Variants in PTPRQ observed in about 807,000 individuals in gnomAD.
PTPRQ encodes the protein phosphatidylinositol phosphatase PTPRQ.
PTPRQ carries 199 observed loss-of-function variants against 246.0 expected under a neutral mutation model. The observed-to-expected ratio is 0.81, with a 90% confidence interval of 0.72 to 0.91. The LOEUF is 0.91. Among genes scored for constraint, PTPRQ ranks in the 40% least tolerant of loss-of-function variants. The probability of loss-of-function intolerance (pLI) is 0.00; values close to 1 mark genes in which losing one functional copy is unlikely to be tolerated. For missense variants in PTPRQ, 2,624 were observed against 2,528.4 expected (o/e 1.04, Z -0.81); for synonymous variants, 869 against 853.2 (o/e 1.02, Z -0.32).
At chr12:80,448,464 G>A (rs1043236902) in intron 3 of PTPRQ, among the ~76,000 whole-genome samples, 3 of 152,016 alleles carry the variant, frequency 2.0e-5, no homozygotes, top group Non-Finnish European at 2.9e-5. Context: ...ATGCTGGTGT[G>A]CTGCACCCAC....
intron 25 of PTPRQ, among the ~76,000 whole-genome samples, chr12:80,579,896 A>G (rs935705764): frequency 6.6e-6 from 1 of 152,196 alleles, no homozygotes; most frequent in Non-Finnish European, 1.5e-5. Flanking sequence ...TATAAATATA[A>G]TTCACAAATA....
chr12:80,632,111 A>G (rs758093882), intron 33 of PTPRQ, 81 bp from the exon 34 acceptor site: 6 of 1,482,208 alleles, frequency 4.0e-6, no homozygotes, highest in Non-Finnish European at 5.4e-6. Context: ...TCTTATGCCA[A>G]GATAATATTT....
chr12:80,634,118 A>ATTTGAATC (rs1312733703), intron 34 of PTPRQ, among the ~76,000 whole-genome samples: 1 of 152,098 alleles, frequency 6.6e-6, no homozygotes, highest in East Asian at 1.9e-4. Flanking sequence ...ATGTGTTGTA[A>ATTTGAATC]TTTGAATCTT....
At chr12:80,586,528 C>T (rs557680484) in intron 25 of PTPRQ, 75 of 152,026 alleles carry the variant, frequency 4.9e-4, no homozygotes, top group African/African-American at 1.7e-3. Flanking sequence ...CCATTTGACC[C>T]AGCCATCCCA....
intron 25 of PTPRQ, 83 bp downstream of exon 25, chr12:80,549,817 A>T (rs1215720433): frequency 6.9e-7 from 1 of 1,441,676 alleles, no homozygotes; most frequent in Non-Finnish European, 9.2e-7. Context: ...TCTTTATAGC[A>T]TACTTATCTA....
At chr12:80,493,544 T>C in intron 10 of PTPRQ, 89 bp downstream of exon 10, 1 of 1,414,790 alleles carries the variant, frequency 7.1e-7, no homozygotes, top group Non-Finnish European at 9.2e-7. Context: ...AGTTCAGCCA[T>C]ATTATTAATG....
chr12:80,665,467 C>G (rs967657417), intron 39 of PTPRQ, among the ~76,000 whole-genome samples: 7 of 151,982 alleles, frequency 4.6e-5, no homozygotes, highest in African/African-American at 1.7e-4. Context: ...TAATTGCCTT[C>G]GTGGCATTCC....
intron 27 of PTPRQ, among the ~76,000 whole-genome samples, chr12:80,608,997 A>G (rs1042772750): frequency 6.6e-6 from 1 of 150,682 alleles, no homozygotes; most frequent in Non-Finnish European, 1.5e-5. Flanking sequence ...TTCCTGATCA[A>G]TAGGATTTCT....
Position 80,495,925 on chromosome 12 carries a change from C to A in PTPRQ, c.1883-74C>A, listed in dbSNP as rs532043341. 184 of 1,472,236 alleles carry A rather than the reference C, an allele frequency of 1.2e-4. 1 individual carries two copies. The highest frequency in any genetic ancestry group is 8.1e-4 in the Middle Eastern group (4 of 4,910). 91.2% of individuals were successfully genotyped at this position (1,472,236 alleles called of 1,614,324 possible). A position where few individuals can be genotyped will look rare whatever the true frequency, so the allele number is the denominator to read the frequency against. The stretch of plus-strand genomic sequence containing the variant: ...CCCCCGTATAAATTCTTCTTACTGG[C>A]CTTATATTAAATGGCACCAATCCCA... On this transcript the variant is annotated intron_variant, in intron 12 of 44. Transcript: ENST00000644991.
At chr12:80,642,805 A>G (rs2121201992) in intron 35 of PTPRQ, among the ~76,000 whole-genome samples, 1 of 149,448 alleles carries the variant, frequency 6.7e-6, no homozygotes, top group Non-Finnish European at 1.5e-5. Flanking sequence ...CTGTAGTCCC[A>G]GCTACTCGGG....
At chr12:80,559,192 G>A (rs970414747) in intron 25 of PTPRQ, among the ~76,000 whole-genome samples, 2 of 151,994 alleles carry the variant, frequency 1.3e-5, no homozygotes, top group African/African-American at 4.8e-5. Context: ...CTACAGACGC[G>A]TGCCACCATG....
intron 7 of PTPRQ, among the ~76,000 whole-genome samples, chr12:80,471,603 A>G (rs10862136): frequency 0.62 from 48,520 of 77,652 alleles, 15,512 homozygotes; most frequent in South Asian, 0.71. Flanking sequence ...TCAGCCTCCC[A>G]AGTAGCTGGG....
intron 33 of PTPRQ, among the ~76,000 whole-genome samples, chr12:80,625,579 C>T (rs1899171777): frequency 6.6e-6 from 1 of 152,054 alleles, no homozygotes. Flanking sequence ...TCACCATAGA[C>T]TGATAATCTT....
chr12:80,597,434 G>C (rs1898006356), intron 26 of PTPRQ, among the ~76,000 whole-genome samples: 1 of 151,992 alleles, frequency 6.6e-6, no homozygotes, highest in African/African-American at 2.4e-5. Context: ...GAAGTGAGTA[G>C]GGAGAACCCT....
At chr12:80,466,743 A>G (rs1163340563) in intron 6 of PTPRQ, among the ~76,000 whole-genome samples, 1 of 152,208 alleles carries the variant, frequency 6.6e-6, no homozygotes, top group Non-Finnish European at 1.5e-5. Context: ...CCTGAGAAAA[A>G]CAAGCAATGT....
chr12:80,468,911 G>T (rs1213159892), intron 7 of PTPRQ, 73 bp downstream of exon 7: 1 of 1,495,778 alleles, frequency 6.7e-7, no homozygotes, highest in Non-Finnish European at 8.9e-7. Flanking sequence ...ATCAAACTCT[G>T]TTTAAAAGTA....
At chr12:80,504,809 A>G (rs954681359) in intron 14 of PTPRQ, among the ~76,000 whole-genome samples, 1 of 151,908 alleles carries the variant, frequency 6.6e-6, no homozygotes, top group Admixed American at 6.6e-5. Context: ...TATAATTCCA[A>G]AACAGCATAT....
intron 39 of PTPRQ, among the ~76,000 whole-genome samples, chr12:80,662,467 C>T (rs897120715): frequency 6.6e-6 from 1 of 151,820 alleles, no homozygotes; most frequent in Non-Finnish European, 1.5e-5. Flanking sequence ...GTTCAAATTC[C>T]TTCTCTGCAT....
At chr12:80,662,493 A>G (rs1276243555) in intron 39 of PTPRQ, among the ~76,000 whole-genome samples, 2 of 151,932 alleles carry the variant, frequency 1.3e-5, no homozygotes, top group Non-Finnish European at 1.5e-5. Flanking sequence ...TAGCTGTATG[A>G]CCTGAAACTT....
Sources: gnomAD v4.1 joint callset for allele counts (sites outside exome capture counted in the v4.1 genomes callset) on GRCh38, gnomAD v4.1.1 for gene constraint, MANE v1.5 for transcripts, NCBI Gene and HGNC (gene_info 2026-07-23, HGNC 2026-07-21) for gene names.